RNF144A: variants seen among roughly 807,000 people sequenced by gnomAD.
The protein encoded by RNF144A is E3 ubiquitin-protein ligase RNF144A.
Under a neutral mutation model 38.7 loss-of-function variants are expected in RNF144A, and 11 were observed. That is an observed-to-expected ratio of 0.28 (90% CI 0.18 to 0.47). RNF144A has a LOEUF of 0.47. Among genes scored for constraint, RNF144A ranks in the 20% least tolerant of loss-of-function variants. The pLI is 0.99. For missense variants in RNF144A, 316 were observed against 377.2 expected, an observed-to-expected ratio of 0.84 and a Z score of 1.34; for synonymous variants, 149 against 143.9, an observed-to-expected ratio of 1.04 and a Z score of -0.25.
intron 8 of RNF144A, among the ~76,000 whole-genome samples, chr2:7,036,117 C>A (rs961401954): frequency 3.3e-5 from 5 of 152,200 alleles, no homozygotes; most frequent in African/African-American, 9.7e-5. Flanking sequence ...TGTGCATTCG[C>A]TGTGCACACG....
intron 2 of RNF144A, among the ~76,000 whole-genome samples, chr2:6,950,253 C>T (rs1046270784): frequency 1.3e-5 from 2 of 152,132 alleles, no homozygotes; most frequent in Non-Finnish European, 2.9e-5. Context: ...CTATTTTAAG[C>T]GTTCTTTATT....
intron 2 of RNF144A, among the ~76,000 whole-genome samples, chr2:6,970,281 G>A (rs974568241): frequency 6.6e-6 from 1 of 152,190 alleles, no homozygotes; most frequent in African/African-American, 2.4e-5. Flanking sequence ...TATCGTGAAA[G>A]TCAGTGGGTC....
chr2:6,948,526 G>T (rs1405727667), intron 2 of RNF144A, among the ~76,000 whole-genome samples: 1 of 152,212 alleles, frequency 6.6e-6, no homozygotes, highest in Admixed American at 6.5e-5. Flanking sequence ...ACTGAACAAG[G>T]CTTCCTCAAG....
At chr2:7,053,477 C>T (rs1048991524) in intron 6 of RNF144A, among the ~76,000 whole-genome samples, 11 of 152,096 alleles carry the variant, frequency 7.2e-5, no homozygotes, top group African/African-American at 1.4e-4. Context: ...GGGGAATTAT[C>T]GGTTTTCAAG....
rs188153825 is a variant in RNF144A at position 6,991,774 on chromosome 2, A to G, written c.-11-5142A>G. Among the ~76,000 whole-genome samples, 134 of 152,306 alleles carry G rather than the reference A, an allele frequency of 8.8e-4. 3 individuals are homozygous for G. In the South Asian group the frequency reaches 0.011, roughly 12 times the overall value. On this transcript the variant is annotated intron_variant, in intron 2 of 8. Coordinates refer to ENST00000320892, the MANE Select transcript of RNF144A (RefSeq NM_014746.6). ...CAGTCTCTCTCTCTCATACATACAT[A>G]TATAATATATATACACACACACATA...
chr2:6,968,143 C>G (rs1030147515), intron 2 of RNF144A, among the ~76,000 whole-genome samples: 2 of 152,206 alleles, frequency 1.3e-5, no homozygotes, highest in African/African-American at 4.8e-5. Context: ...CGTAAAACAG[C>G]CCAGTGTGGG....
At chr2:7,031,039 G>C (rs1029986933) in intron 8 of RNF144A, among the ~76,000 whole-genome samples, 1 of 152,110 alleles carries the variant, frequency 6.6e-6, no homozygotes, top group African/African-American at 2.4e-5. Flanking sequence ...AGGCGGTAAC[G>C]TGAGCAATGG....
intron 6 of RNF144A, among the ~76,000 whole-genome samples, chr2:7,053,098 T>A (rs1397075066): frequency 1.3e-5 from 2 of 152,348 alleles, no homozygotes; most frequent in East Asian, 3.9e-4. Context: ...TTTTATTTGA[T>A]TCCCATGTTA....
chr2:7,061,380 A>G (rs1352954205), intron 6 of RNF144A, among the ~76,000 whole-genome samples: 1 of 152,186 alleles, frequency 6.6e-6, no homozygotes. Context: ...TCCATAGTAG[A>G]TATTTTCTAT....
chr2:6,957,140 C>T (rs963740168), intron 2 of RNF144A, among the ~76,000 whole-genome samples: 2 of 152,144 alleles, frequency 1.3e-5, no homozygotes, highest in Non-Finnish European at 2.9e-5. Context: ...TCCCCTTGGC[C>T]CAGTGTCTGC....
Position 6,989,498 on chromosome 2 carries a change from C to A in RNF144A, c.-11-7418C>A, listed in dbSNP as rs77646721. On this transcript the variant is annotated intron_variant, in intron 2 of 8. Coordinates refer to ENST00000320892, the MANE Select transcript of RNF144A (RefSeq NM_014746.6). ...TACAGGTTCGGCCCATTCCCGAAAT[C>A]ATTCTGGTCAGCACCTTTCCCCCAC... 2.5e-3 allele frequency among the ~76,000 whole-genome samples: 387 copies of A among 152,326 alleles called. 1 individual carries two copies. Among genetic ancestry groups the A allele is most frequent in the African/African-American group, 8.9e-3 (369 of 41,570 alleles).
chr2:6,945,444 T>C (rs1385689173), intron 2 of RNF144A, among the ~76,000 whole-genome samples: 3 of 152,230 alleles, frequency 2.0e-5, no homozygotes, highest in African/African-American at 7.2e-5. Context: ...TATTCTGTGC[T>C]CTAGGCTATG....
chr2:7,050,643 G>C (rs1673484750), intron 6 of RNF144A, among the ~76,000 whole-genome samples: 1 of 152,178 alleles, frequency 6.6e-6, no homozygotes, highest in Non-Finnish European at 1.5e-5. Context: ...TCTGCTTCCT[G>C]TGTCGTTAAA....
chr2:6,976,409 C>T (rs758397412), intron 2 of RNF144A, among the ~76,000 whole-genome samples: 13 of 151,532 alleles, frequency 8.6e-5, no homozygotes, highest in Non-Finnish European at 1.2e-4. Context: ...GTTCCTTGAT[C>T]GTTTTTTATT....
chr2:6,978,488 C>T (rs1668441298), intron 2 of RNF144A: 1 of 152,220 alleles, frequency 6.6e-6, no homozygotes, highest in African/African-American at 2.4e-5. Flanking sequence ...GAACGTGGGG[C>T]TGGGAATAAT....
At chr2:6,932,922 A>G (rs1665292609) in intron 1 of RNF144A, 1 of 152,192 alleles carries the variant, frequency 6.6e-6, no homozygotes, top group East Asian at 1.9e-4. Flanking sequence ...GGGCAACTCT[A>G]AAGGGATCCC....
chr2:7,061,314 A>G (rs1673944036), intron 6 of RNF144A, among the ~76,000 whole-genome samples: 1 of 152,180 alleles, frequency 6.6e-6, no homozygotes, highest in African/African-American at 2.4e-5. Context: ...GTCAGCACAG[A>G]GCTCTCATGG....
At chr2:6,971,161 T>G (rs1667979639) in intron 2 of RNF144A, among the ~76,000 whole-genome samples, 1 of 152,212 alleles carries the variant, frequency 6.6e-6, no homozygotes, top group African/African-American at 2.4e-5. Context: ...TCTTTGGCCT[T>G]GTCCTTGTTG....
chr2:7,070,356 A>G (rs1315361609), downstream of RNF144A, among the ~76,000 whole-genome samples: 1 of 152,006 alleles, frequency 6.6e-6, no homozygotes, highest in African/African-American at 2.4e-5. Flanking sequence ...TTTTTTGTAG[A>G]GAAGGGGTTT....
Sources: gnomAD v4.1 joint callset for allele counts (sites outside exome capture counted in the v4.1 genomes callset) on GRCh38, gnomAD v4.1.1 for gene constraint, MANE v1.5 for transcripts, NCBI Gene and HGNC (gene_info 2026-07-23, HGNC 2026-07-21) for gene names.